Variants in C20orf96 observed in about 807,000 individuals in gnomAD.
C20orf96 encodes the protein uncharacterized protein C20orf96.
In C20orf96, 57 loss-of-function variants were observed where a neutral mutation model predicts 52.6. The ratio of observed to expected loss-of-function variants is 1.08; its 90% confidence interval spans 0.88 to 1.35. The LOEUF is 1.35. Ranked by LOEUF, C20orf96 falls within the 40% of genes most tolerant of loss-of-function variation. The pLI is 0.00. For missense variants in C20orf96, 478 were observed against 443.6 expected (o/e 1.08, Z -0.70); for synonymous variants, 168 against 157.2 (o/e 1.07, Z -0.51).
intron 6 of C20orf96, 35 bp downstream of exon 6, chr20:278,295 G>T: frequency 6.6e-7 from 1 of 1,514,102 alleles, no homozygotes; most frequent in Non-Finnish European, 9.2e-7. Context: ...AAGGTGCCAG[G>T]GGGGAGGGTC....
Position 279,109 on chromosome 20 carries a change from A to T in C20orf96, c.465+63T>A, listed in dbSNP as rs113665331. 4 of 766,086 alleles carry T rather than the reference A, an allele frequency of 5.2e-6. No individual in the cohort carries two copies. In the Admixed American group the frequency reaches 1.7e-4, roughly 33 times the overall value. The allele number at this position is 766,086 out of a possible 1,614,324, so 47.5% of individuals were successfully genotyped here. A position where few individuals can be genotyped will look rare whatever the true frequency, so the allele number is the denominator to read the frequency against. ...GAGGGCGGGACGGAGGGACGGAGGG[A>T]GGGAGGGAGGGACGGAGGTTGGGAC... is the stretch of plus-strand genomic sequence containing the variant. On this transcript the variant is annotated intron_variant, in intron 5 of 10. Transcript: ENST00000360321.
intron 3 of C20orf96, among the ~76,000 whole-genome samples, chr20:288,289 G>A (rs954633645): frequency 6.7e-6 from 1 of 149,210 alleles, no homozygotes; most frequent in Non-Finnish European, 1.5e-5. Flanking sequence ...AAACCCATTG[G>A]GAATATTGGT....
At chr20:274,944 G>A (rs1016813804) in intron 10 of C20orf96, among the ~76,000 whole-genome samples, 11 of 151,976 alleles carry the variant, frequency 7.2e-5, no homozygotes, top group Admixed American at 5.2e-4. Context: ...TCAGCCTCCC[G>A]AGTAGCTGGG....
At chr20:285,951 C>T (rs969074163) in intron 3 of C20orf96, among the ~76,000 whole-genome samples, 1 of 152,088 alleles carries the variant, frequency 6.6e-6, no homozygotes, top group Non-Finnish European at 1.5e-5. Flanking sequence ...GTTAATCAGA[C>T]AAGTGAACCA....
At chr20:290,378 A>G (rs1311111730) in intron 1 of C20orf96, 71 bp from the exon 2 acceptor site, 1 of 1,587,094 alleles carries the variant, frequency 6.3e-7, no homozygotes, top group Non-Finnish European at 8.6e-7. Context: ...GCAATTCGAA[A>G]CAGGATTGGA....
At chr20:271,777 T>A (rs1000691921) in intron 10 of C20orf96, among the ~76,000 whole-genome samples, 1 of 152,186 alleles carries the variant, frequency 6.6e-6, no homozygotes, top group African/African-American at 2.4e-5. Flanking sequence ...GGTTTAATAT[T>A]CTAACCTCAG....
chr20:284,547 A>C (rs1376831239), intron 3 of C20orf96, among the ~76,000 whole-genome samples: 1 of 152,226 alleles, frequency 6.6e-6, no homozygotes, highest in Non-Finnish European at 1.5e-5. Flanking sequence ...AATGAGCCAG[A>C]CAGTCCAAGT....
At chr20:280,495 C>A (rs2012225934) in intron 4 of C20orf96, among the ~76,000 whole-genome samples, 1 of 152,250 alleles carries the variant, frequency 6.6e-6, no homozygotes, top group Admixed American at 6.5e-5. Flanking sequence ...CACCCTCCAA[C>A]AGCTTTATGT....
intron 4 of C20orf96, among the ~76,000 whole-genome samples, chr20:282,716 CA>C (rs1278869884): frequency 5.3e-5 from 8 of 151,970 alleles, no homozygotes; most frequent in African/African-American, 7.3e-5. Context: ...ACTAACAATA[CA>C]AAAAATTAGC....
At position 276,516 on chromosome 20, in the gene C20orf96, G is replaced by A. The variant is rs117367927; in HGVS notation, c.912+277C>T. 290 of 985,416 alleles carry A rather than the reference G, an allele frequency of 2.9e-4. 7 individuals carry two copies. In the East Asian group the frequency reaches 0.025, roughly 85 times the overall value. 61.0% of individuals were successfully genotyped at this position (985,416 alleles called of 1,614,324 possible). On this transcript the variant is annotated intron_variant, in intron 9 of 10. Transcript: ENST00000360321. ...CAAGAATCAAGGGGTAAAGATGCAC[G>A]GTGGTTAATGGCTGAATAGGTGATG...
At position 289,220 on chromosome 20, in the gene C20orf96, A is replaced by AT. The variant is rs571811553; in HGVS notation, c.187+338dup. Among the ~76,000 whole-genome samples the AT allele has an allele frequency of 6.1e-5, 9 of 148,258 alleles. No homozygotes were observed. In the South Asian group the frequency reaches 1.7e-3, roughly 28 times the overall value. ...GACCCCCCCCAAAAAAAATGCCCAC[A>AT]TAATTGTCCATGTTCTTGTTCTCTC... On this transcript the variant is annotated intron_variant, in intron 3 of 10. Coordinates refer to ENST00000360321, the MANE Select transcript of C20orf96 (RefSeq NM_153269.3).
chr20:285,823 C>T (rs2012370757), intron 3 of C20orf96, among the ~76,000 whole-genome samples: 3 of 152,224 alleles, frequency 2.0e-5, no homozygotes, highest in Non-Finnish European at 2.9e-5. Flanking sequence ...ATCCACCTGC[C>T]TCAGCCTCCC....
intron 9 of C20orf96, chr20:276,571 C>A (rs534628912): frequency 2.0e-6 from 2 of 985,330 alleles, no homozygotes; most frequent in Non-Finnish European, 2.4e-6. Context: ...GGGTCATTAG[C>A]CAGCATTGCT....
intron 4 of C20orf96, among the ~76,000 whole-genome samples, chr20:282,165 G>A (rs1221507238): frequency 6.6e-6 from 1 of 152,128 alleles, no homozygotes; most frequent in Non-Finnish European, 1.5e-5. Flanking sequence ...CAGCACTAGG[G>A]TTTCAGTTCA....
Position 276,812 on chromosome 20 carries a change from C to T in C20orf96, c.893G>A (p.Cys298Tyr), listed in dbSNP as rs2012039998. The T allele has an allele frequency of 1.1e-5, 18 of 1,613,452 alleles. No individual in the cohort carries two copies. Among genetic ancestry groups the T allele is most frequent in the Non-Finnish European group, 1.5e-5 (18 of 1,179,668 alleles). ...ACGCACTTCTCTGAACCTTTGCATGCATTTCAGGAAGTCCTGGCTTTCCCA... is the reference window on the plus strand; with the variant it reads ...ACGCACTTCTCTGAACCTTTGCATGTATTTCAGGAAGTCCTGGCTTTCCCA... ...KMWESQDFLK[C>Y]MQRFREIIDQ... The change falls in exon 9 of 11, where the codon TGC becomes TAC. Residue 298 changes from cysteine to tyrosine, a missense_variant. Transcript: ENST00000360321.
At chr20:288,174 C>CTTTTTTTCTTTTTTT (rs2012440611) in intron 3 of C20orf96, among the ~76,000 whole-genome samples, 4 of 66,034 alleles carry the variant, frequency 6.1e-5, no homozygotes, top group African/African-American at 2.5e-4. Flanking sequence ...TTTTCTTTTT[C>CTTTTTTTCTTTTTTT]TTTTTTTTTT....
chr20:283,923 CT>C, intron 4 of C20orf96, 39 bp downstream of exon 4: 1 of 1,414,434 alleles, frequency 7.1e-7, no homozygotes, highest in Non-Finnish European at 1.0e-6. Context: ...ATCCCCGTCC[CT>C]GTCCTGGGCC....
chr20:278,382 T>C lies in C20orf96; in HGVS notation c.513A>G (p.Gln171=), dbSNP rs1383617486. ...CCCACTCCTGAAGCTCAGATTTCAA[T>C]TGCTGCAGCCTCTTCTTGTTTGAGT... is the stretch of plus-strand genomic sequence containing the variant. ...LEYSNKKRLQ[Q]LKSELQEWEE... Residue 171 remains glutamine (Q), a synonymous_variant, in exon 6 of 11, where the codon CAA becomes CAG. Transcript: ENST00000360321. The C allele has an allele frequency of 3.7e-6, 6 of 1,613,996 alleles. No individual in the cohort carries two copies. Among genetic ancestry groups the C allele is most frequent in the Non-Finnish European group, 5.1e-6 (6 of 1,179,926 alleles).
At chr20:271,475 CACACAT>C (rs2011839541) in intron 10 of C20orf96, among the ~76,000 whole-genome samples, 1 of 150,072 alleles carries the variant, frequency 6.7e-6, no homozygotes, top group African/African-American at 2.5e-5. Context: ...CACACACACA[CACACAT>C]ACACACACAT....
Sources: allele counts gnomAD v4.1 joint callset (sites outside exome capture counted in the v4.1 genomes callset), GRCh38; gene constraint gnomAD v4.1.1; transcripts MANE v1.5; gene names NCBI Gene and HGNC (gene_info 2026-07-23, HGNC 2026-07-21).